EBF3: variants seen among roughly 807,000 people sequenced by gnomAD.
EBF3 encodes the protein EBF transcription factor 3, also known as transcription factor COE3.
EBF3 carries 18 observed loss-of-function variants against 77.1 expected under a neutral mutation model. That is an observed-to-expected ratio of 0.23 (90% confidence interval 0.16 to 0.35). The LOEUF (loss-of-function observed/expected upper bound fraction) is 0.35. EBF3 is among the 10% of genes least tolerant of loss of function. EBF3 has a pLI of 1.00. For synonymous variants in EBF3, 350 were observed against 343.5 expected (o/e 1.02, Z -0.21); for missense variants, 558 against 860.0 (o/e 0.65, Z 4.39).
intron 10 of EBF3, among the ~76,000 whole-genome samples, chr10:129,860,107 T>G (rs1053015879): frequency 6.6e-6 from 1 of 152,140 alleles, no homozygotes; most frequent in Non-Finnish European, 1.5e-5. Flanking sequence ...GTGATCACAC[T>G]TATTTTGTTC....
Position 129,943,726 on chromosome 10 carries a change from T to C in EBF3, c.554+13532A>G, listed in dbSNP as rs9804321. 0.47 allele frequency among the ~76,000 whole-genome samples: 71,842 copies of C among 152,176 alleles called. 20,345 individuals carry two copies. The highest frequency in any genetic ancestry group is 0.61 in the Non-Finnish European group (41,144 of 67,988). The stretch of plus-strand genomic sequence containing the variant: ...ATTAAAAGAATTGCTAGGAATTCTT[T>C]TCACAGGCTGCATCTATGCTAGCCA... On this transcript the variant is annotated intron_variant, in intron 6 of 16. Transcript: ENST00000440978. This position sits in a 1 kb window ranked among gnomAD's most constrained non-coding sequence, Gnocchi z 8.8.
chr10:129,922,144 G>A (rs759786542), intron 6 of EBF3, among the ~76,000 whole-genome samples: 2 of 152,198 alleles, frequency 1.3e-5, no homozygotes, highest in Non-Finnish European at 2.9e-5. Flanking sequence ...GTAGACATAA[G>A]TTCTGGATGC....
chr10:129,887,188 G>A (rs977092966), intron 6 of EBF3, among the ~76,000 whole-genome samples: 2 of 152,186 alleles, frequency 1.3e-5, no homozygotes, highest in African/African-American at 2.4e-5. Flanking sequence ...CACGGCTGGG[G>A]AGCATGCCAC....
In EBF3 at chr10:129,964,117, C is replaced by T. The variant is rs1240665301; in HGVS notation, c.-349G>A. The T allele has an allele frequency of 4.1e-6, 4 of 985,072 alleles. No individual in the cohort carries two copies. The East Asian group carries it at 4.5e-4, about 112-fold the overall frequency. The allele number at this position is 985,072 out of a possible 1,614,324, so 61.0% of individuals were successfully genotyped here. A position where few individuals can be genotyped will look rare whatever the true frequency, so the allele number is the denominator to read the frequency against. ...CCGCGGCTGCAGGACACTGCGGGAT[C>T]GCCCGCTTCTGGCGCGGCCCGCCTG... On this transcript the variant is annotated 5_prime_UTR_variant, in exon 1 of 17. Transcript: ENST00000440978. The surrounding 1 kb of genome is among the most constrained non-coding windows in gnomAD (Gnocchi z 4.5).
At chr10:129,928,274 C>T (rs1441069705) in intron 6 of EBF3, among the ~76,000 whole-genome samples, 2 of 152,094 alleles carry the variant, frequency 1.3e-5, no homozygotes, top group Admixed American at 6.5e-5. Context: ...TAAAAGTATA[C>T]AAAAAATATA....
Position 129,870,282 on chromosome 10 carries a change from G to T in EBF3, c.782-2370C>A, listed in dbSNP as rs1564841967. On this transcript the variant is annotated intron_variant, in intron 8 of 16. Transcript: ENST00000440978. The surrounding 1 kb of genome is among the most constrained non-coding windows in gnomAD (Gnocchi z 4.4). ...GAACCATAGCAAAATGAATTACACA[G>T]ACAGCGTTAGAGATCTAATGATATA... Among the ~76,000 whole-genome samples, 1 of 152,108 alleles carries T rather than the reference G, an allele frequency of 6.6e-6. No individual in the cohort carries two copies. The highest frequency in any genetic ancestry group is 1.5e-5 in the Non-Finnish European group (1 of 68,032).
intron 6 of EBF3, among the ~76,000 whole-genome samples, chr10:129,925,210 C>G (rs927496945): frequency 6.6e-6 from 1 of 150,706 alleles, no homozygotes. Context: ...GAGGCTGAGG[C>G]GGGCAGATCA....
intron 6 of EBF3, among the ~76,000 whole-genome samples, chr10:129,893,807 C>T (rs1289458031): frequency 1.3e-5 from 2 of 152,212 alleles, no homozygotes; most frequent in African/African-American, 2.4e-5. Flanking sequence ...CAGTCTGACT[C>T]GGAACGTCTG....
At position 129,837,600 on chromosome 10, in the gene EBF3, T is replaced by C. The variant is rs41282886; in HGVS notation, c.*343A>G. ...CATTCACAAAGTTTCTCCCAACACATAGCAATTACTAGACATGGCCAAGAC... is the reference window on the plus strand; with the variant it reads ...CATTCACAAAGTTTCTCCCAACACACAGCAATTACTAGACATGGCCAAGAC... On this transcript the variant is annotated 3_prime_UTR_variant, in exon 17 of 17. Transcript: ENST00000440978. 12,235 of 290,562 alleles carry C rather than the reference T, an allele frequency of 0.042. 367 individuals carry two copies. The highest frequency in any genetic ancestry group is 0.1 in the Admixed American group (2,081 of 20,082). The allele number at this position is 290,562 out of a possible 1,614,324, so 18.0% of individuals were successfully genotyped here.
At chr10:129,895,781 G>A (rs570411574) in intron 6 of EBF3, among the ~76,000 whole-genome samples, 1 of 125,878 alleles carries the variant, frequency 7.9e-6, no homozygotes, top group East Asian at 2.3e-4. Context: ...CATGGACAAG[G>A]ACATGACACA....
Position 129,836,140 on chromosome 10 carries a change from T to C in EBF3, c.*1803A>G, listed in dbSNP as rs933740986. On this transcript the variant is annotated 3_prime_UTR_variant, in exon 17 of 17. Transcript: ENST00000440978. ...GCTTTTTTGTGTGTGTTTGTGTGTT[T>C]TACACCATACATCTCCAAATGAAGT... 4 of 152,614 alleles carry C rather than the reference T, an allele frequency of 2.6e-5. No individual in the cohort carries two copies. Among genetic ancestry groups the C allele is most frequent in the African/African-American group, 9.7e-5 (4 of 41,432 alleles). The allele number at this position is 152,614 out of a possible 1,614,324, so 9.5% of individuals were successfully genotyped here. A position where few individuals can be genotyped will look rare whatever the true frequency, so the allele number is the denominator to read the frequency against.
chr10:129,929,314 C>G (rs1856858696), intron 6 of EBF3, among the ~76,000 whole-genome samples: 1 of 152,176 alleles, frequency 6.6e-6, no homozygotes, highest in Admixed American at 6.5e-5. Flanking sequence ...AAGCCATCCT[C>G]CAACCTCAGC....
chr10:129,930,550 T>C (rs949324462), intron 6 of EBF3, among the ~76,000 whole-genome samples: 2 of 149,102 alleles, frequency 1.3e-5, no homozygotes, highest in Non-Finnish European at 3.0e-5. Flanking sequence ...CTCATATACC[T>C]ATATCTATAC....
At chr10:129,839,287 A>G (rs1462501932) in intron 15 of EBF3, 92 bp from the exon 16 acceptor site, 1 of 563,602 alleles carries the variant, frequency 1.8e-6, no homozygotes, top group Non-Finnish European at 3.1e-6. Context: ...AGGAGCATAT[A>G]CCAAAGGTGG....
chr10:129,945,088 G>A (rs1197751956), intron 6 of EBF3, among the ~76,000 whole-genome samples: 2 of 33,292 alleles, frequency 6.0e-5, no homozygotes, highest in African/African-American at 2.4e-4. Context: ...GGGGAAGAGA[G>A]GAGAAGGGAG....
chr10:129,835,936 A>T lies in EBF3; in HGVS notation c.*2007T>A, dbSNP rs929904325. On this transcript the variant is annotated 3_prime_UTR_variant, in exon 17 of 17. Transcript: ENST00000440978. ...ATCTGAAGGAGGTCATTCCAGTTTT[A>T]AAAGTACGGACAGTGCTGTTGGAAC... The T allele has an allele frequency of 2.0e-5, 3 of 152,532 alleles. No individual in the cohort carries two copies. Among genetic ancestry groups the T allele is most frequent in the Non-Finnish European group, 4.4e-5 (3 of 68,014 alleles). 9.4% of individuals were successfully genotyped at this position (152,532 alleles called of 1,614,324 possible). A position where few individuals can be genotyped will look rare whatever the true frequency, so the allele number is the denominator to read the frequency against.
intron 6 of EBF3, among the ~76,000 whole-genome samples, chr10:129,905,005 GAT>G (rs1402002890): frequency 1.3e-5 from 2 of 152,246 alleles, no homozygotes; most frequent in African/African-American, 4.8e-5. Context: ...ATGTCCATGA[GAT>G]AACCAGAAAG....
chr10:129,869,566 C>T (rs2134090081), intron 8 of EBF3, among the ~76,000 whole-genome samples: 1 of 152,290 alleles, frequency 6.6e-6, no homozygotes, highest in South Asian at 2.1e-4. Flanking sequence ...TCCGGTTGCA[C>T]ATCTTCATAA....
rs1162203050 is a variant in EBF3 at position 129,840,408 on chromosome 10, C to T, written c.1596G>A (p.Ser532=). 5 of 1,552,126 alleles carry T rather than the reference C, an allele frequency of 3.2e-6. No homozygotes were observed. The highest frequency in any genetic ancestry group is 1.4e-5 in the African/African-American group (1 of 73,264). Residue 532 remains serine, a synonymous_variant, in exon 15 of 17, where the codon TCG becomes TCA. Coordinates refer to ENST00000440978, the MANE Select transcript of EBF3 (RefSeq NM_001375380.1). The part of the protein sequence containing the change: ...VPSSPTMAAS[S]VTLPSNCSST... ...TGCTACAGTTTGAAGGGAGGGTGACCGAAGAGGCTGCCATGGTGGGGCTGG... is the reference window on the plus strand; with the variant it reads ...TGCTACAGTTTGAAGGGAGGGTGACTGAAGAGGCTGCCATGGTGGGGCTGG...
Sources: gnomAD v4.1 joint callset for allele counts (sites outside exome capture counted in the v4.1 genomes callset) on GRCh38, gnomAD v4.1.1 for gene constraint, Gnocchi (gnomAD v3.1) non-coding constraint, MANE v1.5 for transcripts, NCBI Gene and HGNC (gene_info 2026-07-23, HGNC 2026-07-21) for gene names.